Variants in CD40LG observed in about 807,000 individuals in gnomAD.
CD40LG encodes the protein CD40 ligand, also known as CD40 antigen ligand.
CD40LG carries 1 observed loss-of-function variant against 17.2 expected under a neutral mutation model. That is an observed-to-expected ratio of 0.06 (90% confidence interval 0.02 to 0.28). The LOEUF (loss-of-function observed/expected upper bound fraction) is 0.28, where lower values mean the gene tolerates loss of function less well. Ranked by LOEUF, CD40LG falls within the 10% of genes least tolerant of loss-of-function variation. The pLI is 1.00. For missense variants in CD40LG, 133 were observed against 193.2 expected, an observed-to-expected ratio of 0.69 and a Z score of 1.85; for synonymous variants, 66 against 74.4, an observed-to-expected ratio of 0.89 and a Z score of 0.58.
intron 2 of CD40LG, among the ~76,000 whole-genome samples, chrX:136,652,193 G>A (rs1198506357): frequency 9.1e-6 from 1 of 110,442 alleles, no homozygotes; most frequent in Non-Finnish European, 1.9e-5. Flanking sequence ...TACTGCAGCA[G>A]GTGTGGAACC....
chrX:136,660,333 G>A lies in CD40LG; in HGVS notation c.*918G>A, dbSNP rs2076132913. 1 of 111,369 alleles carries A rather than the reference G, an allele frequency of 9.0e-6. No individual in the cohort carries two copies. Among genetic ancestry groups the A allele is most frequent in the Admixed American group, 9.5e-5 (1 of 10,488 alleles). 9.2% of individuals were successfully genotyped at this position (111,369 alleles called of 1,213,427 possible). A position where few individuals can be genotyped will look rare whatever the true frequency, so the allele number is the denominator to read the frequency against. ...ACCTGCAGTCTCCATTGTTTCCAGA[G>A]TGAACTTGTAATTATCTTGTTATTT... is the stretch of plus-strand genomic sequence containing the variant. On this transcript the variant is annotated 3_prime_UTR_variant, in exon 5 of 5. Transcript: ENST00000370629.
intron 3 of CD40LG, 21 bp downstream of exon 3, chrX:136,654,451 T>C (rs2076113464): frequency 9.1e-7 from 1 of 1,098,448 alleles, no homozygotes. Flanking sequence ...TATTTGCTAA[T>C]TTCTATGAAT....
intron 2 of CD40LG, among the ~76,000 whole-genome samples, chrX:136,653,195 G>T (rs1352074477): frequency 1.8e-5 from 2 of 112,296 alleles, no homozygotes; most frequent in Non-Finnish European, 3.8e-5. Flanking sequence ...CATCTTCATA[G>T]TGCCGCGCTT....
chrX:136,656,455 G>C (rs757660529), intron 4 of CD40LG, 37 bp downstream of exon 4: 3 of 1,085,463 alleles, frequency 2.8e-6, no homozygotes, highest in Non-Finnish European at 3.8e-6. Context: ...GCCACCCAAG[G>C]GGAAAGGCTG....
In CD40LG at chrX:136,651,501, C is replaced by T. The variant is rs572656344; in HGVS notation, c.288+1104C>T. 4.2e-4 allele frequency among the ~76,000 whole-genome samples: 47 copies of T among 112,057 alleles called. 1 individual carries two copies. The South Asian group carries it at 0.013, about 31-fold the overall frequency. On this transcript the variant is annotated intron_variant, in intron 2 of 4. Transcript: ENST00000370629. The stretch of plus-strand genomic sequence containing the variant: ...TAACAGCTTATTCCTGAGTCACCTA[C>T]GGAGAACAGAATGTGGCTCAAATCC...
At chrX:136,649,685 T>A (rs897235621) in intron 1 of CD40LG, among the ~76,000 whole-genome samples, 1 of 113,061 alleles carries the variant, frequency 8.8e-6, no homozygotes, top group African/African-American at 3.2e-5. Context: ...TCTGTACATT[T>A]AATTATTCTA....
chrX:136,649,038 T>C (rs2076097088), intron 1 of CD40LG, among the ~76,000 whole-genome samples: 1 of 112,461 alleles, frequency 8.9e-6, no homozygotes, highest in African/African-American at 3.2e-5. Context: ...CATTTTTAAA[T>C]GGTTAGACTT....
At chrX:136,656,156 G>A (rs749317887) in intron 3 of CD40LG, among the ~76,000 whole-genome samples, 200 bp from the exon 4 acceptor site, 1 of 112,302 alleles carries the variant, frequency 8.9e-6, no homozygotes, top group Admixed American at 9.4e-5. Context: ...GAATGAGACC[G>A]ATGGAAACAG....
intron 1 of CD40LG, among the ~76,000 whole-genome samples, chrX:136,648,961 T>C (rs2076096926): frequency 1.8e-5 from 2 of 112,352 alleles, no homozygotes; most frequent in Admixed American, 1.9e-4. Context: ...AGTAGCATTT[T>C]CTGTGTAATT....
chrX:136,650,999 G>A (rs188402120), intron 2 of CD40LG, among the ~76,000 whole-genome samples: 5 of 111,351 alleles, frequency 4.5e-5, no homozygotes, highest in African/African-American at 1.6e-4. Context: ...CATGAAGCCC[G>A]CCCACTCTAT....
intron 2 of CD40LG, 21 bp from the exon 3 acceptor site, chrX:136,654,352 T>C (rs759052126): frequency 1.7e-6 from 2 of 1,149,348 alleles, no homozygotes; most frequent in African/African-American, 1.8e-5. Context: ...AAATGACCTC[T>C]TGCAATGCTT....
intron 4 of CD40LG, among the ~76,000 whole-genome samples, chrX:136,658,795 T>C (rs1489986760): frequency 9.0e-6 from 1 of 111,609 alleles, no homozygotes; most frequent in Non-Finnish European, 1.9e-5. Flanking sequence ...CTCTGAAATA[T>C]GCTCCAATAT....
Position 136,659,422 on chromosome X carries a change from T to C in CD40LG, c.*7T>C, listed in dbSNP as rs923674878. 7.5e-6 allele frequency: 9 copies of C among 1,206,416 alleles called. No homozygotes were observed. The African/African-American group carries it at 1.6e-4, about 21-fold the overall frequency. On this transcript the variant is annotated 3_prime_UTR_variant, in exon 5 of 5. Transcript: ENST00000370629. Reference sequence around the variant, plus strand: ...TGGCTTACTCAAACTCTGAACAGTGTCACCTTGCAGGCTGTGGTGGAGCTG... The same window carrying C: ...TGGCTTACTCAAACTCTGAACAGTGCCACCTTGCAGGCTGTGGTGGAGCTG...
chrX:136,651,526 C>T (rs1042582653), intron 2 of CD40LG, among the ~76,000 whole-genome samples: 7 of 111,773 alleles, frequency 6.3e-5, no homozygotes, highest in Admixed American at 9.5e-5. Flanking sequence ...GGCTCAAATC[C>T]GCTGCTTGCT....
In CD40LG at chrX:136,659,050, G is replaced by A. The variant is rs1387503550; in HGVS notation, c.421G>A (p.Ala141Thr). 2 of 1,208,641 alleles carry A rather than the reference G, an allele frequency of 1.7e-6. No homozygotes were observed. Among genetic ancestry groups the A allele is most frequent in the East Asian group, 5.9e-5 (2 of 33,801 alleles). ...SSKTTSVLQW[A>T]EKGYYTMSNN... ...TTTCTTTGTAACAGTGTTACAGTGG[G>A]CTGAAAAAGGATACTACACCATGAG... Residue 141 changes from alanine (A) to threonine (T), a missense_variant, in exon 5 of 5, where the codon GCT becomes ACT. Coordinates refer to ENST00000370629, the MANE Select transcript of CD40LG (RefSeq NM_000074.3).
Position 136,659,756 on chromosome X carries a change from T to G in CD40LG, c.*341T>G, listed in dbSNP as rs1275377043. On this transcript the variant is annotated 3_prime_UTR_variant, in exon 5 of 5. Transcript: ENST00000370629. ...CTTGCCAAGTTCAGTTTTGTTTCTT[T>G]GCGTGCAGTGTCTTTCCATGGATAA... 4.0e-6 allele frequency: 1 copy of G among 249,285 alleles called. No homozygotes were observed. The highest frequency in any genetic ancestry group is 2.8e-5 in the African/African-American group (1 of 35,299). The allele number at this position is 249,285 out of a possible 1,213,427, so 20.5% of individuals were successfully genotyped here. A position where few individuals can be genotyped will look rare whatever the true frequency, so the allele number is the denominator to read the frequency against.
Position 136,659,606 on chromosome X carries a change from C to T in CD40LG, c.*191C>T, listed in dbSNP as rs762819595. The T allele has an allele frequency of 7.5e-5, 34 of 455,209 alleles. No homozygotes were observed. The highest frequency in any genetic ancestry group is 2.9e-4 in the African/African-American group (12 of 40,809). The allele number at this position is 455,209 out of a possible 1,213,427, so 37.5% of individuals were successfully genotyped here. On this transcript the variant is annotated 3_prime_UTR_variant, in exon 5 of 5. Coordinates refer to ENST00000370629, the MANE Select transcript of CD40LG (RefSeq NM_000074.3). ...AATTACAGGTCACATGAAACCAAAA[C>T]GGGCCCTGCTCCATAAGAGCTTATA...
At chrX:136,648,658 T>C (rs1430767521) in intron 1 of CD40LG, among the ~76,000 whole-genome samples, 2 of 111,852 alleles carry the variant, frequency 1.8e-5, no homozygotes, top group African/African-American at 3.3e-5. Context: ...AGTGCCTCAG[T>C]TTCCACATCT....
In CD40LG at chrX:136,650,313, G is replaced by A. The variant is rs775209130; in HGVS notation, c.204G>A (p.Thr68=). The A allele has an allele frequency of 5.9e-6, 7 of 1,178,862 alleles. No individual in the cohort carries two copies. The South Asian group carries it at 8.9e-5, about 15-fold the overall frequency. ...ATGAAGATTTTGTATTCATGAAAAC[G>A]ATACAGAGATGCAACACAGGAGAAA... ...NLHEDFVFMK[T]IQRCNTGERS... The change falls in exon 2 of 5, where the codon ACG becomes ACA. Residue 68 remains threonine, a synonymous_variant. Transcript: ENST00000370629.
Sources: gnomAD v4.1 joint callset for allele counts (sites outside exome capture counted in the v4.1 genomes callset) on GRCh38, gnomAD v4.1.1 for gene constraint, MANE v1.5 for transcripts, NCBI Gene and HGNC (gene_info 2026-07-23, HGNC 2026-07-21) for gene names.